EPS15L1: variants seen among roughly 807,000 people sequenced by gnomAD.
The protein encoded by EPS15L1 is epidermal growth factor receptor pathway substrate 15 like 1.
In EPS15L1, 43 loss-of-function variants were observed where a neutral mutation model predicts 117.1. The observed-to-expected ratio is 0.37, with a 90% CI of 0.29 to 0.47. EPS15L1 has a LOEUF of 0.47. EPS15L1 is among the 20% of genes least tolerant of loss of function. The pLI is 0.99. For missense variants in EPS15L1, 981 were observed against 1,164.0 expected, an observed-to-expected ratio of 0.84 and a Z score of 2.29; for synonymous variants, 459 against 470.5, an observed-to-expected ratio of 0.98 and a Z score of 0.32.
intron 7 of EPS15L1, among the ~76,000 whole-genome samples, chr19:16,432,047 C>T (rs1230619140): frequency 2.0e-5 from 3 of 152,152 alleles, no homozygotes; most frequent in Middle Eastern, 3.2e-3. Context: ...GCGTACATTT[C>T]GGTGTATGAT....
Position 16,375,714 on chromosome 19 carries a change from C to G in EPS15L1, c.2380+1408G>C, listed in dbSNP as rs142220637. 3.0e-3 allele frequency among the ~76,000 whole-genome samples: 456 copies of G among 152,330 alleles called. 2 individuals carry two copies. The highest frequency in any genetic ancestry group is 4.6e-3 in the Non-Finnish European group (311 of 68,038). On this transcript the variant is annotated intron_variant, in intron 22 of 23. Transcript: ENST00000455140. ...TCTTTACGCATCTGTATCTGCTCAA[C>G]AGTTCACAGAAAATCTGCTCTAAAT...
chr19:16,425,763 C>G (rs2092865597), intron 8 of EPS15L1, among the ~76,000 whole-genome samples: 2 of 152,146 alleles, frequency 1.3e-5, no homozygotes, highest in African/African-American at 4.8e-5. Context: ...TGTGATCGCG[C>G]CACTGCACTC....
At position 16,404,811 on chromosome 19, in the gene EPS15L1, G is replaced by A. The variant is rs769702902; in HGVS notation, c.1267-62C>T. Reference sequence around the variant, plus strand: ...AAAAATGAAGCATGTCCAAGATAACGGGGGGCAGCCTGGGCCAGAAGTCCA... The same window carrying A: ...AAAAATGAAGCATGTCCAAGATAACAGGGGGCAGCCTGGGCCAGAAGTCCA... On this transcript the variant is annotated intron_variant, in intron 13 of 23. Transcript: ENST00000455140. The surrounding 1 kb of genome is among the most constrained non-coding windows in gnomAD (Gnocchi z 4.2). 6.8e-5 allele frequency: 108 copies of A among 1,576,948 alleles called. No individual in the cohort carries two copies. The highest frequency in any genetic ancestry group is 9.4e-5 in the African/African-American group (7 of 74,228).
rs1473487857 is a variant in EPS15L1 at position 16,430,069 on chromosome 19, C to T, written c.499-1308G>A. 2.6e-5 allele frequency among the ~76,000 whole-genome samples: 4 copies of T among 152,234 alleles called. No homozygotes were observed. The East Asian group carries it at 5.8e-4, about 22-fold the overall frequency. ...CAGGGGGAGCTGTGGCCCTAACTGG[C>T]ATGCCAGACTGCCTGAGGCCTCTGT... is the stretch of plus-strand genomic sequence containing the variant. On this transcript the variant is annotated intron_variant, in intron 7 of 23. Transcript: ENST00000455140.
intron 13 of EPS15L1, among the ~76,000 whole-genome samples, chr19:16,407,469 T>C (rs565292473): frequency 3.3e-5 from 5 of 151,994 alleles, no homozygotes; most frequent in African/African-American, 1.2e-4. Context: ...CCACGCCCAG[T>C]TGCGTGATTT....
At chr19:16,433,785 A>C (rs1366262329) in intron 7 of EPS15L1, among the ~76,000 whole-genome samples, 3 of 152,020 alleles carry the variant, frequency 2.0e-5, no homozygotes, top group Non-Finnish European at 4.4e-5. Context: ...CAACATGGTA[A>C]AACACCATCT....
At chr19:16,463,975 A>AG (rs2093277148) in intron 1 of EPS15L1, among the ~76,000 whole-genome samples, 1 of 152,242 alleles carries the variant, frequency 6.6e-6, no homozygotes, top group Admixed American at 6.5e-5. Context: ...AAGAGGGGCC[A>AG]GGGGGCCACA....
intron 8 of EPS15L1, among the ~76,000 whole-genome samples, chr19:16,426,418 G>C (rs1302413842): frequency 6.6e-6 from 1 of 152,192 alleles, no homozygotes; most frequent in Non-Finnish European, 1.5e-5. Flanking sequence ...CAGATCACCT[G>C]AGGTCAGGAG....
intron 1 of EPS15L1, among the ~76,000 whole-genome samples, chr19:16,463,143 GT>G (rs2093269786): frequency 6.6e-6 from 1 of 152,140 alleles, no homozygotes; most frequent in Non-Finnish European, 1.5e-5. Flanking sequence ...CTTTTTGACT[GT>G]ACCTAAATGT....
Position 16,428,444 on chromosome 19 carries a change from G to GA in EPS15L1, c.558+257dup, listed in dbSNP as rs2092895929. Among the ~76,000 whole-genome samples the GA allele has an allele frequency of 3.7e-5, 5 of 135,376 alleles. No homozygotes were observed. The East Asian group carries it at 1.1e-3, about 30-fold the overall frequency. The allele number at this position is 135,376 out of a possible 152,430, so 88.8% of individuals were successfully genotyped here. On this transcript the variant is annotated intron_variant, in intron 8 of 23. Coordinates refer to ENST00000455140, the MANE Select transcript of EPS15L1 (RefSeq NM_001258374.3). The stretch of plus-strand genomic sequence containing the variant: ...GGAAGGAAGGAAGGAAGGAAGGAAG[G>GA]AGGGAGGGAGGGAGACAGAGAGAGG...
Position 16,381,587 on chromosome 19 carries a change from A to G in EPS15L1, c.2247+3542T>C, listed in dbSNP as rs1018216959. 1.3e-5 allele frequency among the ~76,000 whole-genome samples: 2 copies of G among 152,224 alleles called. No homozygotes were observed. Among genetic ancestry groups the G allele is most frequent in the African/African-American group, 4.8e-5 (2 of 41,444 alleles). ...CACTGGCACTAGATAAAGTTGGCAC[A>G]TGGACCACACGACAATGATCACACC... On this transcript the variant is annotated intron_variant, in intron 21 of 23. Coordinates refer to ENST00000455140, the MANE Select transcript of EPS15L1 (RefSeq NM_001258374.3). This position sits in a 1 kb window ranked among gnomAD's most constrained non-coding sequence, Gnocchi z 4.2.
At chr19:16,386,043 T>C in intron 20 of EPS15L1, 128 bp downstream of exon 20, 1 of 727,066 alleles carries the variant, frequency 1.4e-6, no homozygotes, top group Non-Finnish European at 2.4e-6. Context: ...GGCCAGGATC[T>C]GGGTGCCACT....
intron 8 of EPS15L1, among the ~76,000 whole-genome samples, chr19:16,426,770 C>A (rs1249791401): frequency 6.6e-6 from 1 of 152,156 alleles, no homozygotes; most frequent in African/African-American, 2.4e-5. Flanking sequence ...GGACTGGGTT[C>A]TCTTTAGACA....
intron 23 of EPS15L1, among the ~76,000 whole-genome samples, chr19:16,361,057 G>A (rs1599517182): frequency 1.3e-5 from 2 of 152,240 alleles, no homozygotes; most frequent in South Asian, 2.1e-4. Flanking sequence ...TCCTTGAAGC[G>A]ACGGCATGTT....
intron 16 of EPS15L1, chr19:16,401,612 A>G: frequency 1.0e-6 from 1 of 985,440 alleles, no homozygotes; most frequent in Non-Finnish European, 1.2e-6. Context: ...GCAGGGGCAG[A>G]CTCTGGTGTG....
At chr19:16,367,865 ACT>A (rs974199779) in intron 22 of EPS15L1, among the ~76,000 whole-genome samples, 4 of 152,078 alleles carry the variant, frequency 2.6e-5, no homozygotes, top group East Asian at 1.9e-4. Flanking sequence ...TGGAAAGGAA[ACT>A]CTCTTGGTTT....
intron 23 of EPS15L1, among the ~76,000 whole-genome samples, chr19:16,359,678 A>G (rs144235275): frequency 6.6e-6 from 1 of 152,238 alleles, no homozygotes; most frequent in East Asian, 1.9e-4. Context: ...CTGGGTAGTA[A>G]AGTGAGACCT....
intron 6 of EPS15L1, among the ~76,000 whole-genome samples, chr19:16,436,419 C>T (rs1161501396): frequency 6.6e-6 from 1 of 152,128 alleles, no homozygotes; most frequent in Non-Finnish European, 1.5e-5. Flanking sequence ...CCAGCCACAA[C>T]ATCCTCTGTT....
intron 20 of EPS15L1, 28 bp from the exon 21 acceptor site, chr19:16,385,239 TTA>T (rs1568406506): frequency 3.8e-6 from 6 of 1,591,858 alleles, no homozygotes; most frequent in Non-Finnish European, 5.2e-6. Flanking sequence ...AAAGTCAGAG[TTA>T]CAGGTCTTTA....
Sources: gnomAD v4.1 joint callset for allele counts (sites outside exome capture counted in the v4.1 genomes callset) on GRCh38, gnomAD v4.1.1 for gene constraint, Gnocchi (gnomAD v3.1) non-coding constraint, MANE v1.5 for transcripts, NCBI Gene and HGNC (gene_info 2026-07-23, HGNC 2026-07-21) for gene names.